The following PTPRD variants were observed in gnomAD, a reference collection of about 807,000 sequenced individuals.
The protein encoded by PTPRD is receptor-type tyrosine-protein phosphatase delta.
A neutral mutation model predicts 214.5 loss-of-function variants in PTPRD; 34 were observed. That is an observed-to-expected ratio of 0.16 (90% CI 0.12 to 0.21). The LOEUF (loss-of-function observed/expected upper bound fraction) is 0.21. Ranked by LOEUF, PTPRD falls within the 10% of genes least tolerant of loss-of-function variation. PTPRD has a pLI of 1.00. For missense variants in PTPRD, 2,545 were observed against 2,398.7 expected (o/e 1.06, Z -1.27); for synonymous variants, 1,128 against 845.7 (o/e 1.33, Z -5.79).
intron 4 of PTPRD, among the ~76,000 whole-genome samples, chr9:10,018,723 G>A (rs980473491): frequency 4.0e-5 from 6 of 149,376 alleles, no homozygotes; most frequent in African/African-American, 7.3e-5. Context: ...AATTTTTTTT[G>A]TATTTTTAGT....
chr9:9,339,213 C>T (rs1448275358), intron 9 of PTPRD, among the ~76,000 whole-genome samples: 1 of 151,956 alleles, frequency 6.6e-6, no homozygotes, highest in South Asian at 2.1e-4. Context: ...CGCGGTGGCT[C>T]ATGCCCGTAA....
At chr9:9,835,539 G>C (rs150757351) in intron 5 of PTPRD, among the ~76,000 whole-genome samples, 88 of 152,214 alleles carry the variant, frequency 5.8e-4, no homozygotes, top group African/African-American at 1.8e-3. Context: ...AATTAAACTG[G>C]AGACAAATGG....
chr9:9,896,256 G>A (rs10117397), intron 5 of PTPRD, among the ~76,000 whole-genome samples: 129,476 of 152,100 alleles, frequency 0.85, 55,841 homozygotes, highest in East Asian at 1. Context: ...TATTTTGCTG[G>A]AGCAAATGAA....
chr9:9,981,562 G>GT (rs2095545551), intron 4 of PTPRD, among the ~76,000 whole-genome samples: 1 of 151,410 alleles, frequency 6.6e-6, no homozygotes, highest in Non-Finnish European at 1.5e-5. Flanking sequence ...GAGTTCCACC[G>GT]TGTTAGCCAG....
At chr9:10,249,005 G>T (rs2092510980) in intron 3 of PTPRD, among the ~76,000 whole-genome samples, 1 of 151,944 alleles carries the variant, frequency 6.6e-6, no homozygotes, top group Non-Finnish European at 1.5e-5. Context: ...CCCTAAATCA[G>T]ACAGTGAAGG....
intron 10 of PTPRD, among the ~76,000 whole-genome samples, chr9:9,089,186 A>G (rs1039267972): frequency 6.6e-6 from 1 of 152,192 alleles, no homozygotes; most frequent in African/African-American, 2.4e-5. Context: ...GACTTGACAC[A>G]GTTGACAGCT....
chr9:8,551,305 T>A (rs2082042909), intron 14 of PTPRD, among the ~76,000 whole-genome samples: 1 of 152,196 alleles, frequency 6.6e-6, no homozygotes, highest in African/African-American at 2.4e-5. Flanking sequence ...TATATAATTG[T>A]TCTCCATTAA....
At chr9:8,605,322 T>A (rs946608723) in intron 14 of PTPRD, among the ~76,000 whole-genome samples, 3 of 152,186 alleles carry the variant, frequency 2.0e-5, no homozygotes, top group Non-Finnish European at 4.4e-5. Flanking sequence ...GTTTAATGGG[T>A]TGTGAATTTA....
chr9:9,783,452 C>A (rs2098880412), intron 5 of PTPRD, among the ~76,000 whole-genome samples: 1 of 152,142 alleles, frequency 6.6e-6, no homozygotes, highest in African/African-American at 2.4e-5. Flanking sequence ...CTGGGGTACA[C>A]TGTTCTTCCT....
At chr9:10,462,717 A>T (rs1588717194) in intron 2 of PTPRD, among the ~76,000 whole-genome samples, 1 of 149,670 alleles carries the variant, frequency 6.7e-6, no homozygotes, top group South Asian at 2.1e-4. Flanking sequence ...CTAAAGGAAA[A>T]AAAAGAAGGA....
intron 12 of PTPRD, among the ~76,000 whole-genome samples, chr9:8,656,884 C>T (rs1034989592): frequency 3.3e-5 from 5 of 152,182 alleles, no homozygotes; most frequent in African/African-American, 1.2e-4. Context: ...TACAACCTGT[C>T]ACTGTACAAG....
chr9:10,072,648 C>A (rs1645687226), intron 3 of PTPRD, among the ~76,000 whole-genome samples: 1 of 152,010 alleles, frequency 6.6e-6, no homozygotes, highest in Admixed American at 6.6e-5. Flanking sequence ...CAATTGACTG[C>A]TTTTAGGATC....
At chr9:9,846,701 C>G (rs559609078) in intron 5 of PTPRD, among the ~76,000 whole-genome samples, 41 of 152,136 alleles carry the variant, frequency 2.7e-4, no homozygotes, top group African/African-American at 9.9e-4. Flanking sequence ...GTTATTCTGC[C>G]AAACACCAAC....
At chr9:10,337,113 T>C (rs1272631636) in intron 3 of PTPRD, among the ~76,000 whole-genome samples, 1 of 151,776 alleles carries the variant, frequency 6.6e-6, no homozygotes, top group East Asian at 1.9e-4. Context: ...ACAAAAACTT[T>C]CCTTTTCAAC....
chr9:8,500,363 AC>A (rs2097368311), intron 24 of PTPRD, among the ~76,000 whole-genome samples: 1 of 151,818 alleles, frequency 6.6e-6, no homozygotes, highest in Admixed American at 6.6e-5. Context: ...AATATGTAAG[AC>A]AAAAAGGCAA....
At chr9:9,478,687 A>G (rs1324283379) in intron 8 of PTPRD, among the ~76,000 whole-genome samples, 1 of 152,216 alleles carries the variant, frequency 6.6e-6, no homozygotes, top group African/African-American at 2.4e-5. Flanking sequence ...AGTATTGAAT[A>G]ATATTAAAGT....
intron 8 of PTPRD, among the ~76,000 whole-genome samples, chr9:9,566,880 A>G (rs1047824728): frequency 2.0e-5 from 3 of 152,042 alleles, no homozygotes; most frequent in Non-Finnish European, 4.4e-5. Context: ...CACTGACACT[A>G]ACACTATTTT....
intron 3 of PTPRD, among the ~76,000 whole-genome samples, chr9:10,079,461 T>C (rs2098194747): frequency 6.6e-6 from 1 of 152,092 alleles, no homozygotes; most frequent in African/African-American, 2.4e-5. Flanking sequence ...CCCTGAAGCA[T>C]CCAGGCAGGA....
intron 4 of PTPRD, among the ~76,000 whole-genome samples, chr9:9,994,861 A>G (rs1468285805): frequency 1.3e-5 from 2 of 152,138 alleles, no homozygotes; most frequent in Non-Finnish European, 1.5e-5. Flanking sequence ...AGAGTAGTTA[A>G]GTCTCCAAAT....
Sources: allele counts gnomAD v4.1 joint callset (sites outside exome capture counted in the v4.1 genomes callset), GRCh38; gene constraint gnomAD v4.1.1; transcripts MANE v1.5; gene names NCBI Gene and HGNC (gene_info 2026-07-23, HGNC 2026-07-21).